GLRA2: variants seen among roughly 807,000 people sequenced by gnomAD.
GLRA2 encodes the protein glycine receptor subunit alpha-2.
GLRA2 carries 11 observed loss-of-function variants against 31.6 expected under a neutral mutation model. That is an observed-to-expected ratio of 0.35 (90% CI 0.22 to 0.58). The LOEUF is 0.58. Ranked by LOEUF, GLRA2 falls within the 20% of genes least tolerant of loss-of-function variation. The pLI is 0.84. For missense variants in GLRA2, 212 were observed against 351.8 expected, an observed-to-expected ratio of 0.60 and a Z score of 3.18; for synonymous variants, 132 against 134.0, an observed-to-expected ratio of 0.99 and a Z score of 0.10.
the GLRA2 span, among the ~76,000 whole-genome samples, chrX:14,458,339 C>T: frequency 8.9e-6 from 1 of 111,947 alleles, no homozygotes; most frequent in South Asian, 3.8e-4. Flanking sequence ...CATCCGTGTG[C>T]ATGTGTCTTT....
At chrX:14,710,662 C>T (rs34324341) in intron 8 of GLRA2, among the ~76,000 whole-genome samples, 20,777 of 110,958 alleles carry the variant, frequency 0.19, 1,815 homozygotes, top group East Asian at 0.58. Flanking sequence ...ACTGTTGTTA[C>T]GGTTGATTAT....
At chrX:14,478,540 A>C in the GLRA2 span, among the ~76,000 whole-genome samples, 1 of 111,841 alleles carries the variant, frequency 8.9e-6, no homozygotes, top group Non-Finnish European at 1.9e-5. Context: ...TATCTACCAA[A>C]ATGTTTACCT....
intron 3 of GLRA2, among the ~76,000 whole-genome samples, chrX:14,577,841 T>C (rs765397857): frequency 9.0e-6 from 1 of 111,724 alleles, no homozygotes; most frequent in African/African-American, 3.3e-5. Flanking sequence ...TTCTTTACCA[T>C]ACCGCTAAGA....
At chrX:14,463,134 G>T in the GLRA2 span, among the ~76,000 whole-genome samples, 1 of 111,555 alleles carries the variant, frequency 9.0e-6, no homozygotes, top group African/African-American at 3.3e-5. Context: ...GAGTTTGCTG[G>T]AGGTCCACTC....
intron 2 of GLRA2, among the ~76,000 whole-genome samples, chrX:14,568,277 A>C (rs1217811474): frequency 2.7e-5 from 3 of 112,544 alleles, no homozygotes; most frequent in Non-Finnish European, 5.6e-5. Context: ...ATAAGGATAA[A>C]TATGTTGACC....
intron 2 of GLRA2, among the ~76,000 whole-genome samples, chrX:14,534,331 T>C (rs1407223064): frequency 1.8e-5 from 2 of 110,193 alleles, no homozygotes; most frequent in African/African-American, 3.3e-5. Context: ...GTGGGATTCA[T>C]TGAGTTTTAT....
At chrX:14,456,131 A>G in the GLRA2 span, among the ~76,000 whole-genome samples, 2 of 111,690 alleles carry the variant, frequency 1.8e-5, no homozygotes, top group East Asian at 5.6e-4. Context: ...GGAAGAAAGA[A>G]TCTTGAGAAT....
chrX:14,455,328 G>A, the GLRA2 span, among the ~76,000 whole-genome samples: 1 of 111,746 alleles, frequency 8.9e-6, no homozygotes, highest in Non-Finnish European at 1.9e-5. Flanking sequence ...GATGGAACGA[G>A]TGTCAGCATG....
chrX:14,661,690 G>A (rs767707877), intron 7 of GLRA2, among the ~76,000 whole-genome samples: 15 of 109,326 alleles, frequency 1.4e-4, no homozygotes, highest in East Asian at 1.1e-3. Flanking sequence ...TGGGCAACAC[G>A]GCAAAACCCT....
At chrX:14,691,271 CTGTGTG>C (rs4014173) in intron 8 of GLRA2, among the ~76,000 whole-genome samples, 9,770 of 84,863 alleles carry the variant, frequency 0.12, 499 homozygotes, top group Admixed American at 0.14. Flanking sequence ...TAAATATTGA[CTGTGTG>C]TGTGTGTGTG....
chrX:14,590,883 A>T (rs1270075754), intron 4 of GLRA2, among the ~76,000 whole-genome samples: 1 of 112,020 alleles, frequency 8.9e-6, no homozygotes, highest in Non-Finnish European at 1.9e-5. Context: ...CAATGATTCC[A>T]TTCTTCCTAG....
intron 4 of GLRA2, among the ~76,000 whole-genome samples, chrX:14,583,465 G>A (rs1218135513): frequency 1.8e-5 from 2 of 112,597 alleles, no homozygotes; most frequent in African/African-American, 6.5e-5. Flanking sequence ...GCGGCTGGGC[G>A]CCGTGGGTCA....
chrX:14,607,060 T>C, intron 5 of GLRA2, 71 bp from the exon 6 acceptor site: 1 of 760,399 alleles, frequency 1.3e-6, no homozygotes, highest in Non-Finnish European at 2.0e-6. Flanking sequence ...TGTTTGTTTC[T>C]TTACATGGGT....
At chrX:14,674,945 C>T (rs775265724) in intron 7 of GLRA2, among the ~76,000 whole-genome samples, 2 of 111,586 alleles carry the variant, frequency 1.8e-5, no homozygotes, top group South Asian at 3.7e-4. Context: ...CAATTTGTTC[C>T]GAATCCCCAC....
At chrX:14,607,922 C>T (rs1286032463) in intron 6 of GLRA2, among the ~76,000 whole-genome samples, 3 of 110,954 alleles carry the variant, frequency 2.7e-5, no homozygotes, top group Non-Finnish European at 5.7e-5. Context: ...AAGATTTTAC[C>T]TGTCCAGAAA....
At chrX:14,490,906 T>A in the GLRA2 span, among the ~76,000 whole-genome samples, 1 of 111,671 alleles carries the variant, frequency 9.0e-6, no homozygotes, top group Non-Finnish European at 1.9e-5. Flanking sequence ...CAGCACACAC[T>A]CTGCACATAA....
At chrX:14,650,065 A>T (rs1221548639) in intron 7 of GLRA2, among the ~76,000 whole-genome samples, 1 of 112,130 alleles carries the variant, frequency 8.9e-6, no homozygotes, top group African/African-American at 3.2e-5. Flanking sequence ...AGGACTACTG[A>T]ACTAATCATC....
intron 8 of GLRA2, among the ~76,000 whole-genome samples, chrX:14,692,502 G>A (rs1367742079): frequency 8.9e-6 from 1 of 111,870 alleles, no homozygotes; most frequent in African/African-American, 3.2e-5. Context: ...TTTACATATG[G>A]TAATACTGCT....
chrX:14,640,010 C>A (rs1428967915), intron 7 of GLRA2, among the ~76,000 whole-genome samples: 1 of 112,091 alleles, frequency 8.9e-6, no homozygotes, highest in Non-Finnish European at 1.9e-5. Flanking sequence ...TACCTTGCAA[C>A]TCTGTTCCTA....
Sources: allele counts gnomAD v4.1 joint callset (sites outside exome capture counted in the v4.1 genomes callset), GRCh38; gene constraint gnomAD v4.1.1; transcripts MANE v1.5; gene names NCBI Gene and HGNC (gene_info 2026-07-23, HGNC 2026-07-21).